NBPF8: variants seen among roughly 807,000 people sequenced by gnomAD.
NBPF8 encodes NBPF member 8, also known as NBPF family member NBPF8.
At chr1:120,428,157 C>T (rs1340799587) in intron 3 of NBPF8, among the ~76,000 whole-genome samples, 1 of 151,934 alleles carries the variant, frequency 6.6e-6, no homozygotes, top group Non-Finnish European at 1.5e-5. Context: ...TGTCTGTCCC[C>T]TCCCTTTATG....
intron 12 of NBPF8, 55 bp from the exon 11 acceptor site, chr1:120,452,062 G>C: frequency 2.1e-6 from 3 of 1,418,706 alleles, no homozygotes; most frequent in Non-Finnish European, 3.0e-6. Flanking sequence ...TGCAATATTT[G>C]AGCGGATCAC....
chr1:120,428,299 G>A (rs1464413265), intron 3 of NBPF8, among the ~76,000 whole-genome samples: 1 of 148,620 alleles, frequency 6.7e-6, no homozygotes, highest in African/African-American at 2.4e-5. Flanking sequence ...AGTAGACAAA[G>A]GTTTTTCAAC....
At chr1:120,430,739 C>A (rs1422867452) in intron 3 of NBPF8, among the ~76,000 whole-genome samples, 11 of 101,140 alleles carry the variant, frequency 1.1e-4, no homozygotes, top group East Asian at 3.2e-4. Context: ...GGTAACAGAG[C>A]AAGACTCTGT....
upstream of NBPF8, among the ~76,000 whole-genome samples, chr1:120,434,210 C>G (rs1660998820): frequency 6.8e-6 from 1 of 147,620 alleles, no homozygotes; most frequent in African/African-American, 2.5e-5. Context: ...CTCGCTCCGC[C>G]ACTTAAAAAA....
At chr1:120,460,280 T>C (rs1179287467) in intron 17 of NBPF8, among the ~76,000 whole-genome samples, 2 of 152,140 alleles carry the variant, frequency 1.3e-5, no homozygotes, top group African/African-American at 4.8e-5. Flanking sequence ...GTTAGAACTA[T>C]TTGCCTACAA....
At chr1:120,431,512 G>A (rs1402657460), upstream of NBPF8, among the ~76,000 whole-genome samples, 1 of 150,932 alleles carries the variant, frequency 6.6e-6, no homozygotes, top group African/African-American at 2.4e-5. Context: ...TACATGAATG[G>A]GCAATTAGCA....
chr1:120,461,986 C>G (rs1456764500), intron 19 of NBPF8, among the ~76,000 whole-genome samples, 160 bp from the exon 18 acceptor site: 3 of 76,574 alleles, frequency 3.9e-5, no homozygotes, highest in African/African-American at 1.8e-4. Context: ...CAAGGAATCT[C>G]TATGGTGATC....
upstream of NBPF8, among the ~76,000 whole-genome samples, chr1:120,419,062 A>G (rs1660501417): frequency 1.3e-5 from 2 of 151,940 alleles, no homozygotes. Context: ...CATGAAACAG[A>G]TATTGAATAA....
At chr1:120,415,823 G>T (rs1660422547), upstream of NBPF8, among the ~76,000 whole-genome samples, 1 of 152,156 alleles carries the variant, frequency 6.6e-6, no homozygotes, top group Non-Finnish European at 1.5e-5. Flanking sequence ...AGGATTTCCG[G>T]TAGGTTGGAT....
upstream of NBPF8, among the ~76,000 whole-genome samples, chr1:120,415,100 T>A (rs1283982090): frequency 6.6e-6 from 1 of 151,196 alleles, no homozygotes; most frequent in Non-Finnish European, 1.5e-5. Context: ...ACAGCGGCGG[T>A]ATTGGGAGGG....
intron 16 of NBPF8, among the ~76,000 whole-genome samples, chr1:120,457,145 GT>G (rs1453829332): frequency 1.1e-3 from 161 of 151,522 alleles, no homozygotes; most frequent in African/African-American, 3.7e-3. Context: ...CTGTAAACTA[GT>G]TCAACGATTG....
rs1486370235 is a variant in NBPF8, at chr1:120,460,105, G to A, written n.2785-468G>A. 9.4e-3 allele frequency among the ~76,000 whole-genome samples: 1,432 copies of A among 152,212 alleles called. 9 individuals carry two copies. The highest frequency in any genetic ancestry group is 0.025 in the South Asian group (122 of 4,818). ...AATGGCTGACTTTTCACCCACAAAA[G>A]CCATAATAGCTGATGCTTCTGTGTA... On this transcript the variant is annotated intron_variant and non_coding_transcript_variant, in intron 17 of 24. Coordinates refer to ENST00000583271, the Ensembl canonical transcript of NBPF8.
intron 18 of NBPF8, among the ~76,000 whole-genome samples, 157 bp downstream of exon 16, chr1:120,460,781 G>C (rs1429439532): frequency 2.0e-5 from 3 of 151,746 alleles, no homozygotes; most frequent in South Asian, 2.1e-4. Context: ...TAGAGTAAAT[G>C]TTTAGGTTTC....
At chr1:120,434,253 G>C (rs1553247462), upstream of NBPF8, among the ~76,000 whole-genome samples, 3 of 139,786 alleles carry the variant, frequency 2.1e-5, no homozygotes, top group Non-Finnish European at 4.5e-5. Context: ...ATATATACAC[G>C]TGTTATATAT....
intron 3 of NBPF8, among the ~76,000 whole-genome samples, chr1:120,428,582 G>C (rs1660786130): frequency 6.6e-6 from 1 of 152,260 alleles, no homozygotes; most frequent in Admixed American, 6.5e-5. Flanking sequence ...AGGTGAAGAA[G>C]CATCTTGCAG....
upstream of NBPF8, among the ~76,000 whole-genome samples, chr1:120,418,473 C>T (rs1209343688): frequency 1.1e-4 from 16 of 145,096 alleles, no homozygotes; most frequent in Admixed American, 5.5e-4. Flanking sequence ...CCTAAATAAG[C>T]GTTAAGCCAT....
chr1:120,435,789 C>G (rs1306823245), upstream of NBPF8, among the ~76,000 whole-genome samples: 1 of 151,586 alleles, frequency 6.6e-6, no homozygotes, highest in Non-Finnish European at 1.5e-5. Context: ...TAGCGTGAAC[C>G]TGGGAGGCAG....
chr1:120,451,544 A>G (rs1661270846), intron 12 of NBPF8, among the ~76,000 whole-genome samples: 1 of 134,828 alleles, frequency 7.4e-6, no homozygotes, highest in Admixed American at 8.0e-5. Flanking sequence ...AAAATTAACC[A>G]AAGGAGTGTG....
exon 25 of NBPF8, chr1:120,465,994 A>T: frequency 6.2e-7 from 1 of 1,611,762 alleles, no homozygotes; most frequent in East Asian, 2.2e-5. Context: ...CAGCGTGCTG[A>T]TGGAAGTGGA....
Sources: gnomAD v4.1 joint callset for allele counts (sites outside exome capture counted in the v4.1 genomes callset) on GRCh38, gnomAD v4.1.1 for gene constraint, MANE v1.5 for transcripts, NCBI Gene and HGNC (gene_info 2026-07-23, HGNC 2026-07-21) for gene names.